PRSS55: variants seen among roughly 807,000 people sequenced by gnomAD.
PRSS55 encodes the protein serine protease 55.
PRSS55 carries 41 observed loss-of-function variants against 23.6 expected under a neutral mutation model. The ratio of observed to expected loss-of-function variants is 1.74; its 90% CI spans 1.35 to 2.26. The LOEUF (loss-of-function observed/expected upper bound fraction) is 2.26. Among genes scored for constraint, PRSS55 ranks in the 30% most tolerant of loss-of-function variants. The pLI is 0.00. For missense variants in PRSS55, 669 were observed against 439.1 expected (o/e 1.52, Z -4.68); for synonymous variants, 262 against 175.5 (o/e 1.49, Z -3.90).
chr8:10,551,723 T>G (rs1326354196), intron 4 of PRSS55, among the ~76,000 whole-genome samples: 5 of 152,200 alleles, frequency 3.3e-5, no homozygotes, highest in Non-Finnish European at 5.9e-5. Context: ...CTGAGAGCAC[T>G]TGGTGATGGG....
intron 4 of PRSS55, among the ~76,000 whole-genome samples, chr8:10,547,957 C>T (rs1018844892): frequency 2.1e-5 from 3 of 139,768 alleles, no homozygotes; most frequent in African/African-American, 7.6e-5. Flanking sequence ...CAGAGGAGAA[C>T]AGGGAAGAAG....
chr8:10,527,252 C>A (rs1638936326), intron 1 of PRSS55, among the ~76,000 whole-genome samples: 1 of 152,192 alleles, frequency 6.6e-6, no homozygotes, highest in South Asian at 2.1e-4. Flanking sequence ...TTACTTTAGT[C>A]ACCCCTAGCG....
At chr8:10,550,308 C>T (rs568883068) in intron 4 of PRSS55, among the ~76,000 whole-genome samples, 1 of 152,188 alleles carries the variant, frequency 6.6e-6, no homozygotes, top group African/African-American at 2.4e-5. Context: ...GGGTCTAGAA[C>T]TCCCAGCTCC....
intron 4 of PRSS55, among the ~76,000 whole-genome samples, chr8:10,544,033 G>C (rs1202827141): frequency 8.5e-5 from 13 of 152,104 alleles, no homozygotes; most frequent in Admixed American, 6.5e-4. Flanking sequence ...ATGTTTATTA[G>C]GTCTAGCTGG....
intron 4 of PRSS55, among the ~76,000 whole-genome samples, chr8:10,536,938 T>C (rs1812476211): frequency 6.6e-6 from 1 of 152,226 alleles, no homozygotes; most frequent in Non-Finnish European, 1.5e-5. Context: ...ACTACCTGGG[T>C]GATTAAATCA....
downstream of PRSS55, among the ~76,000 whole-genome samples, chr8:10,539,100 A>T (rs1050369027): frequency 6.6e-6 from 1 of 151,674 alleles, no homozygotes; most frequent in Non-Finnish European, 1.5e-5. Flanking sequence ...TGGCATGATG[A>T]CTTCAGGCGT....
At chr8:10,529,902 C>G (rs1391225510) in intron 2 of PRSS55, among the ~76,000 whole-genome samples, 3 of 152,204 alleles carry the variant, frequency 2.0e-5, no homozygotes, top group Non-Finnish European at 4.4e-5. Context: ...CCTCACATCA[C>G]CAGAGCCAGT....
chr8:10,540,530 G>T (rs897866702), downstream of PRSS55: 1 of 152,164 alleles, frequency 6.6e-6, no homozygotes, highest in Admixed American at 6.5e-5. Flanking sequence ...TGGCCACCAC[G>T]GTGAAACCCC....
intron 4 of PRSS55, chr8:10,545,057 G>A (rs1224350618): frequency 4.1e-6 from 4 of 980,160 alleles, no homozygotes; most frequent in Non-Finnish European, 4.8e-6. Context: ...CAGACCATCT[G>A]TGAGGAAAAA....
chr8:10,537,948 G>T (rs995947781), intron 4 of PRSS55, among the ~76,000 whole-genome samples: 4 of 152,120 alleles, frequency 2.6e-5, no homozygotes, highest in Non-Finnish European at 5.9e-5. Flanking sequence ...ATAACTATGC[G>T]AGTCACAGAC....
chr8:10,538,899 G>A (rs887093076), downstream of PRSS55: 37 of 1,176,434 alleles, frequency 3.1e-5, no homozygotes, highest in Non-Finnish European at 4.4e-5. Flanking sequence ...AATTGAGGCT[G>A]GGACCAGGAG....
chr8:10,538,233 T>C (rs4559207), intron 4 of PRSS55, among the ~76,000 whole-genome samples: 108,688 of 151,388 alleles, frequency 0.72, 39,087 homozygotes, highest in African/African-American at 0.77. Flanking sequence ...TTACCAAGGC[T>C]TCCCCCTTCC....
At chr8:10,534,815 C>T (rs878885614) in intron 4 of PRSS55, among the ~76,000 whole-genome samples, 1 of 152,166 alleles carries the variant, frequency 6.6e-6, no homozygotes, top group Non-Finnish European at 1.5e-5. Flanking sequence ...ACCTGGAAAA[C>T]CCCATAGTCT....
At chr8:10,552,238 C>T (rs1812967863) in intron 4 of PRSS55, among the ~76,000 whole-genome samples, 1 of 152,208 alleles carries the variant, frequency 6.6e-6, no homozygotes, top group Admixed American at 6.5e-5. Context: ...AAGATTGGAA[C>T]TTTTAAAGAA....
Position 10,553,906 on chromosome 8 carries a change from A to T in PRSS55, c.742-37A>T, listed in dbSNP as rs943276338. The T allele has an allele frequency of 1.3e-5, 18 of 1,385,834 alleles. No individual in the cohort carries two copies. In the East Asian group the frequency reaches 2.0e-4, roughly 15 times the overall value. 85.8% of individuals were successfully genotyped at this position (1,385,834 alleles called of 1,614,324 possible). A position where few individuals can be genotyped will look rare whatever the true frequency, so the allele number is the denominator to read the frequency against. On this transcript the variant is annotated intron_variant, in intron 4 of 4. Transcript: ENST00000522210. ...CCACATTGTACAATAAATACATAAA[A>T]TTTTTTTAATTTGTCAATTTAATTT... is the stretch of plus-strand genomic sequence containing the variant.
chr8:10,545,814 G>A (rs1199354147), intron 4 of PRSS55, among the ~76,000 whole-genome samples: 2 of 152,254 alleles, frequency 1.3e-5, no homozygotes, highest in African/African-American at 4.8e-5. Context: ...ATTGGGCACT[G>A]TTGCTCTGCA....
intron 4 of PRSS55, among the ~76,000 whole-genome samples, chr8:10,533,821 G>A (rs371466506): frequency 1.3e-5 from 2 of 152,154 alleles, no homozygotes; most frequent in Non-Finnish European, 2.9e-5. Flanking sequence ...TAAATATTCT[G>A]AACAGTGATG....
chr8:10,530,101 C>G (rs1419688545), intron 2 of PRSS55, among the ~76,000 whole-genome samples: 1 of 152,260 alleles, frequency 6.6e-6, no homozygotes, highest in Non-Finnish European at 1.5e-5. Flanking sequence ...GTAGAGCGTT[C>G]TCTGTGTGAC....
rs577972231 is a variant in PRSS55, at chr8:10,529,756, C to T, written c.347+57C>T. On this transcript the variant is annotated intron_variant, in intron 2 of 4. Coordinates refer to ENST00000328655, the MANE Select transcript of PRSS55 (RefSeq NM_198464.4). Reference sequence around the variant, plus strand: ...TCAGGGCGCCCACCCCTGGGGCACCCTCCCCCTCACCCACACCTGGTGGCT... The same window carrying T: ...TCAGGGCGCCCACCCCTGGGGCACCTTCCCCCTCACCCACACCTGGTGGCT... 2.6e-4 allele frequency: 394 copies of T among 1,536,436 alleles called. 1 individual carries two copies. Among genetic ancestry groups the T allele is most frequent in the Middle Eastern group, 2.0e-3 (10 of 4,950 alleles).
Sources: allele counts gnomAD v4.1 joint callset (sites outside exome capture counted in the v4.1 genomes callset), GRCh38; gene constraint gnomAD v4.1.1; transcripts MANE v1.5; gene names NCBI Gene and HGNC (gene_info 2026-07-23, HGNC 2026-07-21).